CCDC158: variants seen among roughly 807,000 people sequenced by gnomAD.
The protein encoded by CCDC158 is coiled-coil domain containing 158.
CCDC158 carries 116 observed loss-of-function variants against 138.6 expected under a neutral mutation model. The ratio of observed to expected loss-of-function variants is 0.84; its 90% confidence interval spans 0.72 to 0.98. The LOEUF (loss-of-function observed/expected upper bound fraction) is 0.98. CCDC158 is among the 50% of genes least tolerant of loss of function. CCDC158 has a pLI of 0.00. For missense variants in CCDC158, 1,265 were observed against 1,306.1 expected (o/e 0.97, Z 0.48); for synonymous variants, 436 against 442.4 (o/e 0.99, Z 0.18).
chr4:76,330,414 T>G (rs1296924980), intron 21 of CCDC158, among the ~76,000 whole-genome samples: 1 of 152,284 alleles, frequency 6.6e-6, no homozygotes, highest in South Asian at 2.1e-4. Context: ...AATATAAGAA[T>G]AAAACATATG....
intron 8 of CCDC158, among the ~76,000 whole-genome samples, chr4:76,380,483 C>T (rs909636960): frequency 2.0e-5 from 3 of 152,112 alleles, no homozygotes; most frequent in African/African-American, 7.2e-5. Context: ...TTCAGGGTGT[C>T]GGGCAGAAGA....
At chr4:76,357,249 T>A in intron 14 of CCDC158, 125 bp downstream of exon 14, 1 of 528,238 alleles carries the variant, frequency 1.9e-6, no homozygotes, top group South Asian at 5.0e-5. Flanking sequence ...CCTACTATTG[T>A]ATATTTCTTA....
intron 4 of CCDC158, among the ~76,000 whole-genome samples, chr4:76,393,461 T>C (rs1173542996): frequency 6.6e-6 from 1 of 152,096 alleles, no homozygotes; most frequent in Non-Finnish European, 1.5e-5. Context: ...TCCCTATCTC[T>C]CACCATATTT....
At chr4:76,328,386 C>T (rs1274842351) in intron 22 of CCDC158, among the ~76,000 whole-genome samples, 1 of 152,180 alleles carries the variant, frequency 6.6e-6, no homozygotes, top group Non-Finnish European at 1.5e-5. Flanking sequence ...TGAGAAGATG[C>T]TAAGAGTAAC....
Position 76,313,219 on chromosome 4 carries a change from T to G in CCDC158, c.3305A>C (p.Glu1102Ala). 1 of 1,608,550 alleles carries G rather than the reference T, an allele frequency of 6.2e-7. No individual in the cohort carries two copies. The highest frequency in any genetic ancestry group is 8.5e-7 in the Non-Finnish European group (1 of 1,176,764). The change falls in exon 25 of 25, where the codon GAA becomes GCA. Residue 1102 changes from glutamate to alanine, a missense_variant. Glu to Ala is a moderately radical substitution (Grantham distance 107, BLOSUM62 -1). Transcript: ENST00000682701. The part of the protein sequence containing the change: ...QAMSSMIRNQ[E>A]KRIQKVKDQE... Reference sequence around the variant, plus strand: ...GTCTTTTACTTTCTGTATCCTCTTTTCTTGATTTCTGATCATTGAAGACAT... The same window carrying G: ...GTCTTTTACTTTCTGTATCCTCTTTGCTTGATTTCTGATCATTGAAGACAT...
intron 2 of CCDC158, among the ~76,000 whole-genome samples, chr4:76,408,298 T>G (rs919646258): frequency 1.3e-5 from 2 of 152,170 alleles, no homozygotes; most frequent in African/African-American, 4.8e-5. Flanking sequence ...TAACTTGTCA[T>G]TTACATTAGG....
At chr4:76,342,624 T>C (rs999944607) in intron 18 of CCDC158, among the ~76,000 whole-genome samples, 1 of 152,144 alleles carries the variant, frequency 6.6e-6, no homozygotes, top group Non-Finnish European at 1.5e-5. Flanking sequence ...GCTTATAAAC[T>C]TGGCATTAAT....
At chr4:76,400,029 C>G (rs1320386974) in intron 3 of CCDC158, among the ~76,000 whole-genome samples, 1 of 151,984 alleles carries the variant, frequency 6.6e-6, no homozygotes, top group African/African-American at 2.4e-5. Flanking sequence ...TCTATTTTCT[C>G]TAGAAATTAG....
At chr4:76,395,646 C>A (rs944946414) in intron 4 of CCDC158, among the ~76,000 whole-genome samples, 14 of 151,594 alleles carry the variant, frequency 9.2e-5, no homozygotes, top group African/African-American at 3.4e-4. Flanking sequence ...TGGCCTGATA[C>A]TACCAGAATA....
rs1296720004 is a variant in CCDC158, at chr4:76,371,539, G to A, written c.1030-3C>T. 1.2e-6 allele frequency: 2 copies of A among 1,614,058 alleles called. No individual in the cohort carries two copies. Among genetic ancestry groups the A allele is most frequent in the Non-Finnish European group, 1.7e-6 (2 of 1,179,930 alleles). On this transcript the variant is annotated splice_polypyrimidine_tract_variant and splice_region_variant and intron_variant, in intron 9 of 24. Coordinates refer to ENST00000682701, the MANE Select transcript of CCDC158 (RefSeq NM_001394954.1). ...AACTGCTTTTCCAGCTCTTCTGTCT[G>A]AAAGGAAAGTACAAATTGAACAGTG...
intron 18 of CCDC158, among the ~76,000 whole-genome samples, chr4:76,338,302 G>A (rs977218683): frequency 6.6e-6 from 1 of 152,098 alleles, no homozygotes; most frequent in African/African-American, 2.4e-5. Context: ...ATGAGGTCAG[G>A]AGTTCGAGAC....
At chr4:76,365,745 T>A (rs1724594185) in intron 12 of CCDC158, among the ~76,000 whole-genome samples, 1 of 152,132 alleles carries the variant, frequency 6.6e-6, no homozygotes, top group Admixed American at 6.6e-5. Flanking sequence ...ACCAGCAGTA[T>A]CCACGTCATC....
chr4:76,313,324 A>C (rs1719067038), intron 24 of CCDC158, 78 bp from the exon 25 acceptor site: 7 of 807,168 alleles, frequency 8.7e-6, no homozygotes, highest in South Asian at 3.4e-5. Flanking sequence ...TTAAAAGATC[A>C]GCTTGATAGT....
chr4:76,326,499 T>C (rs1258713414), intron 22 of CCDC158, among the ~76,000 whole-genome samples: 2 of 152,160 alleles, frequency 1.3e-5, no homozygotes, highest in African/African-American at 2.4e-5. Context: ...TTATCAGGCA[T>C]AGACTTCCAT....
At chr4:76,327,709 A>G (rs1720654463) in intron 22 of CCDC158, among the ~76,000 whole-genome samples, 1 of 152,228 alleles carries the variant, frequency 6.6e-6, no homozygotes, top group Non-Finnish European at 1.5e-5. Context: ...ATTACGCAGC[A>G]CATGACTGTA....
chr4:76,416,313 G>T (rs554632898), intron 1 of CCDC158, among the ~76,000 whole-genome samples: 2 of 152,050 alleles, frequency 1.3e-5, no homozygotes, highest in African/African-American at 4.8e-5. Flanking sequence ...GGCCACTACC[G>T]GTCTCCGCGT....
At chr4:76,364,507 G>T (rs910210403) in intron 12 of CCDC158, among the ~76,000 whole-genome samples, 1 of 151,996 alleles carries the variant, frequency 6.6e-6, no homozygotes, top group African/African-American at 2.4e-5. Context: ...AAAATATCTT[G>T]GTGATCTGTT....
chr4:76,344,474 G>A (rs534219758), intron 18 of CCDC158: 2 of 716,782 alleles, frequency 2.8e-6, no homozygotes, highest in Admixed American at 3.9e-5. Context: ...GAAGACTGGT[G>A]GGCAGGAGCT....
At chr4:76,336,726 C>T (rs893647318) in intron 18 of CCDC158, among the ~76,000 whole-genome samples, 1 of 152,290 alleles carries the variant, frequency 6.6e-6, no homozygotes, top group South Asian at 2.1e-4. Flanking sequence ...CACTCATACA[C>T]CCCCTCCTTA....
Sources: allele counts gnomAD v4.1 joint callset (sites outside exome capture counted in the v4.1 genomes callset), GRCh38; gene constraint gnomAD v4.1.1; transcripts MANE v1.5; gene names NCBI Gene and HGNC (gene_info 2026-07-23, HGNC 2026-07-21).